Variants in FRMD4B observed in about 807,000 individuals in gnomAD.
The protein encoded by FRMD4B is FERM domain containing 4B, also known as FERM domain-containing protein 4B.
In FRMD4B, 74 loss-of-function variants were observed where a neutral mutation model predicts 141.5. The ratio of observed to expected loss-of-function variants is 0.52; its 90% CI spans 0.43 to 0.63. FRMD4B has a LOEUF of 0.63. Ranked by LOEUF, FRMD4B falls within the 30% of genes least tolerant of loss-of-function variation. FRMD4B has a pLI of 0.00. For missense variants in FRMD4B, 1,366 were observed against 1,253.4 expected (o/e 1.09, Z -1.36); for synonymous variants, 506 against 467.9 (o/e 1.08, Z -1.05).
chr3:69,515,117 T>C (rs1373696332), intron 1 of FRMD4B, among the ~76,000 whole-genome samples: 1 of 152,048 alleles, frequency 6.6e-6, no homozygotes, highest in African/African-American at 2.4e-5. Context: ...TGGGGAAAGG[T>C]GTCTTACATG....
In FRMD4B at chr3:69,437,616, T is replaced by C. The variant is rs1251963965; in HGVS notation, c.-128-4855A>G. 7.3e-5 allele frequency among the ~76,000 whole-genome samples: 10 copies of C among 137,846 alleles called. No individual in the cohort carries two copies. In the East Asian group the frequency reaches 2.1e-3, roughly 29 times the overall value. The allele number at this position is 137,846 out of a possible 152,430, so 90.4% of individuals were successfully genotyped here. ...ACAATATTTAATAGTATATTATATA[T>C]ACTATATAAATATATATACTATATA... On this transcript the variant is annotated intron_variant, in intron 1 of 5. Transcript: ENST00000459638.
chr3:69,484,513 A>G lies in FRMD4B; in HGVS notation c.-128-51752T>C, dbSNP rs186099029. Among the ~76,000 whole-genome samples, 424 of 152,248 alleles carry G rather than the reference A, an allele frequency of 2.8e-3. 2 individuals are homozygous for G. Among genetic ancestry groups the G allele is most frequent in the African/African-American group, 9.6e-3 (397 of 41,530 alleles). ...AAACAAGATGAAGAGGAGATTTATT[A>G]AGTGTTAGAATAGCTCAGAGGAGAC... On this transcript the variant is annotated intron_variant, in intron 1 of 5. Transcript: ENST00000459638.
chr3:69,281,944 G>A (rs2093646881), intron 5 of FRMD4B, among the ~76,000 whole-genome samples: 1 of 151,608 alleles, frequency 6.6e-6, no homozygotes, highest in African/African-American at 2.4e-5. Flanking sequence ...AGGCACAATT[G>A]TTTCTTTCAA....
chr3:69,480,937 T>G (rs922901163), intron 1 of FRMD4B, among the ~76,000 whole-genome samples: 1 of 152,184 alleles, frequency 6.6e-6, no homozygotes, highest in African/African-American at 2.4e-5. Flanking sequence ...CCCCAGCCTC[T>G]CTGCCGCCTT....
chr3:69,206,956 T>C (rs1043283373), intron 11 of FRMD4B, among the ~76,000 whole-genome samples: 3 of 152,024 alleles, frequency 2.0e-5, no homozygotes, highest in African/African-American at 7.2e-5. Flanking sequence ...CAGTGAAGCC[T>C]TGCTACCAAA....
intron 1 of FRMD4B, among the ~76,000 whole-genome samples, chr3:69,358,490 G>C (rs1703386623): frequency 6.6e-6 from 1 of 152,126 alleles, no homozygotes; most frequent in South Asian, 2.1e-4. Context: ...AATCCCAGCA[G>C]TTTGGGAAGC....
rs1185114365 is a variant in FRMD4B at position 69,238,890 on chromosome 3, C to T, written c.581+10336G>A. The stretch of plus-strand genomic sequence containing the variant: ...ACCACTCTCTGCCCAGGCTGGTGGT[C>T]GATTATTACTATTGAGAAGAATCCT... On this transcript the variant is annotated intron_variant, in intron 7 of 22. Coordinates refer to ENST00000398540, the MANE Select transcript of FRMD4B (RefSeq NM_015123.3). Among the ~76,000 whole-genome samples the T allele has an allele frequency of 3.9e-5, 6 of 152,146 alleles. No individual in the cohort carries two copies. The South Asian group carries it at 1.0e-3, about 26-fold the overall frequency.
At chr3:69,303,983 A>G (rs71302182) in intron 3 of FRMD4B, among the ~76,000 whole-genome samples, 2 of 151,860 alleles carry the variant, frequency 1.3e-5, no homozygotes. Flanking sequence ...TAACAATACC[A>G]CAGCTTTTAA....
chr3:69,375,778 A>G (rs1477417144), intron 1 of FRMD4B, among the ~76,000 whole-genome samples: 1 of 152,218 alleles, frequency 6.6e-6, no homozygotes, highest in African/African-American at 2.4e-5. Context: ...CATAAAATCA[A>G]TAAAATGGGG....
intron 1 of FRMD4B, among the ~76,000 whole-genome samples, chr3:69,506,716 G>C (rs550480489): frequency 1.3e-5 from 2 of 151,746 alleles, no homozygotes; most frequent in African/African-American, 4.8e-5. Flanking sequence ...ATTTTTTTGG[G>C]GGGGGTGGGT....
At chr3:69,355,713 T>A (rs1321618547) in intron 1 of FRMD4B, among the ~76,000 whole-genome samples, 9 of 151,980 alleles carry the variant, frequency 5.9e-5, no homozygotes. Flanking sequence ...CACATAGAGA[T>A]GGAGTCTACC....
intron 1 of FRMD4B, chr3:69,334,165 A>G (rs1159948267): frequency 6.6e-6 from 1 of 152,244 alleles, no homozygotes; most frequent in Non-Finnish European, 1.5e-5. Flanking sequence ...CTGGCTTCAC[A>G]TCCTCTTTAA....
intron 1 of FRMD4B, among the ~76,000 whole-genome samples, chr3:69,512,173 C>A (rs1226214980): frequency 6.6e-6 from 1 of 152,192 alleles, no homozygotes; most frequent in East Asian, 1.9e-4. Context: ...AGAAAAGCAT[C>A]TACTCTGGCT....
intron 1 of FRMD4B, among the ~76,000 whole-genome samples, chr3:69,346,126 G>C (rs778896308): frequency 3.3e-5 from 5 of 151,982 alleles, no homozygotes; most frequent in African/African-American, 4.8e-5. Flanking sequence ...CCAGTGTAGA[G>C]ATGTCCTTAA....
At chr3:69,368,585 T>C (rs1418846977) in intron 1 of FRMD4B, among the ~76,000 whole-genome samples, 1 of 152,206 alleles carries the variant, frequency 6.6e-6, no homozygotes, top group East Asian at 1.9e-4. Context: ...TGAGTATGTC[T>C]CACTCTTCTG....
intron 2 of FRMD4B, among the ~76,000 whole-genome samples, chr3:69,312,501 T>C (rs1701634453): frequency 1.3e-5 from 2 of 152,250 alleles, no homozygotes; most frequent in South Asian, 4.1e-4. Context: ...GAGAAAATTC[T>C]AGGCTAGCTG....
At chr3:69,287,204 T>G (rs1309491331) in intron 5 of FRMD4B, among the ~76,000 whole-genome samples, 1 of 152,238 alleles carries the variant, frequency 6.6e-6, no homozygotes, top group Non-Finnish European at 1.5e-5. Flanking sequence ...TGATCTGTCC[T>G]TGATTCATTA....
intron 1 of FRMD4B, among the ~76,000 whole-genome samples, chr3:69,357,146 A>C (rs1375754420): frequency 6.6e-6 from 1 of 152,178 alleles, no homozygotes; most frequent in Non-Finnish European, 1.5e-5. Context: ...CCAGGGATTC[A>C]GTCGTGAGGA....
At chr3:69,355,266 C>G (rs906279773) in intron 1 of FRMD4B, among the ~76,000 whole-genome samples, 5 of 152,104 alleles carry the variant, frequency 3.3e-5, no homozygotes, top group African/African-American at 1.2e-4. Context: ...TATTAATCTG[C>G]ATAACAAGTG....
Sources: allele counts gnomAD v4.1 joint callset (sites outside exome capture counted in the v4.1 genomes callset), GRCh38; gene constraint gnomAD v4.1.1; transcripts MANE v1.5; gene names NCBI Gene and HGNC (gene_info 2026-07-23, HGNC 2026-07-21).